PKHD1: variants seen among roughly 807,000 people sequenced by gnomAD.
The protein encoded by PKHD1 is PKHD1 ciliary IPT domain containing fibrocystin/polyductin, also known as fibrocystin.
Under a neutral mutation model 412.0 loss-of-function variants are expected in PKHD1, and 291 were observed. That is an observed-to-expected ratio of 0.71 (90% CI 0.64 to 0.78). The LOEUF (loss-of-function observed/expected upper bound fraction) is 0.78. PKHD1 is among the 30% of genes least tolerant of loss of function. The pLI is 0.00. For missense variants in PKHD1, 4,825 were observed against 4,950.7 expected (o/e 0.97, Z 0.76); for synonymous variants, 1,777 against 1,821.5 (o/e 0.98, Z 0.62).
chr6:51,903,852 TATATA>T (rs1781664584), intron 42 of PKHD1, 125 bp from the exon 43 acceptor site: 10 of 417,700 alleles, frequency 2.4e-5, no homozygotes, highest in South Asian at 1.9e-4. Context: ...TATATATATA[TATATA>T]TATTTAGAAA....
At position 51,731,074 on chromosome 6, in the gene PKHD1, C is replaced by T. The variant is rs146880767; in HGVS notation, c.10156+13311G>A. Among the ~76,000 whole-genome samples the T allele has an allele frequency of 3.6e-3, 547 of 152,230 alleles. 3 individuals carry two copies. Among genetic ancestry groups the T allele is most frequent in the African/African-American group, 0.013 (521 of 41,532 alleles). Reference sequence around the variant, plus strand: ...TAGCTGGTATTATAGGTGTGCACCACCACACCTGGCTAATACTTTTTGTTA... The same window carrying T: ...TAGCTGGTATTATAGGTGTGCACCATCACACCTGGCTAATACTTTTTGTTA... On this transcript the variant is annotated intron_variant, in intron 60 of 66. Transcript: ENST00000371117.
intron 60 of PKHD1, among the ~76,000 whole-genome samples, chr6:51,734,983 T>C (rs1783663578): frequency 6.6e-6 from 1 of 152,206 alleles, no homozygotes. Flanking sequence ...TGTTTAGGAA[T>C]AGCTGTATAT....
intron 63 of PKHD1, among the ~76,000 whole-genome samples, chr6:51,642,138 C>A (rs1055817467): frequency 3.3e-5 from 5 of 152,080 alleles, no homozygotes; most frequent in African/African-American, 1.2e-4. Flanking sequence ...GCTGGCCGGG[C>A]ATGACATCCT....
rs1034524838 is a variant in PKHD1 at position 51,754,955 on chromosome 6, A to G, written c.8643-17T>C. ...ACTATAATTCTGTAACAGCATAACA[A>G]TGGCATTGGATATACTAACAGTGCA... On this transcript the variant is annotated splice_polypyrimidine_tract_variant and intron_variant, in intron 55 of 66. Transcript: ENST00000371117. The G allele has an allele frequency of 3.1e-6, 5 of 1,608,224 alleles. No homozygotes were observed. The highest frequency in any genetic ancestry group is 4.3e-6 in the Non-Finnish European group (5 of 1,174,790).
Position 51,848,023 on chromosome 6 carries a change from T to C in PKHD1, c.7912-53A>G, listed in dbSNP as rs1047430002. 5.0e-6 allele frequency: 6 copies of C among 1,210,796 alleles called. No individual in the cohort carries two copies. In the African/African-American group the frequency reaches 6.0e-5, roughly 12 times the overall value. 75.0% of individuals were successfully genotyped at this position (1,210,796 alleles called of 1,614,324 possible). A position where few individuals can be genotyped will look rare whatever the true frequency, so the allele number is the denominator to read the frequency against. ...GCTCATTTAGTAAGGAACCCCATCA[T>C]TCCACCTACTCCACCACACCACCCT... On this transcript the variant is annotated intron_variant, in intron 49 of 66. Transcript: ENST00000371117.
Position 52,033,032 on chromosome 6 carries a change from G to A in PKHD1, c.3362C>T (p.Ala1121Val). 1 of 1,611,174 alleles carries A rather than the reference G, an allele frequency of 6.2e-7. No individual in the cohort carries two copies. The highest frequency in any genetic ancestry group is 8.5e-7 in the Non-Finnish European group (1 of 1,177,584). ...VTLSRNISNI[A>V]GGETLVIGVA... ...TCTTGCAGTATCACATATTTTACCT[G>A]CTATATTGCTTATGTTTCTGCTCAG... The change falls in exon 29 of 67, where the codon GCA becomes GTA. Residue 1121 changes from alanine (A) to valine (V), a missense_variant and splice_region_variant. Ala to Val is a moderately conservative substitution (Grantham distance 64, BLOSUM62 0). Transcript: ENST00000371117.
intron 60 of PKHD1, among the ~76,000 whole-genome samples, chr6:51,662,164 T>C (rs1201211277): frequency 2.6e-5 from 4 of 151,898 alleles, no homozygotes; most frequent in East Asian, 3.9e-4. Context: ...GGAAAATTTA[T>C]AGTGTTAAAT....
At chr6:51,944,618 C>G (rs753050777) in intron 36 of PKHD1, among the ~76,000 whole-genome samples, 2 of 152,152 alleles carry the variant, frequency 1.3e-5, no homozygotes, top group African/African-American at 4.8e-5. Flanking sequence ...ATTCCCCATA[C>G]CCTAGTTCCC....
chr6:51,693,771 G>C (rs1778452094), intron 60 of PKHD1, among the ~76,000 whole-genome samples: 1 of 152,148 alleles, frequency 6.6e-6, no homozygotes, highest in Non-Finnish European at 1.5e-5. Flanking sequence ...TGTACTGAGT[G>C]ACTGAGTGCT....
At chr6:51,641,947 T>C (rs1190600095) in intron 63 of PKHD1, among the ~76,000 whole-genome samples, 1 of 152,138 alleles carries the variant, frequency 6.6e-6, no homozygotes, top group East Asian at 1.9e-4. Flanking sequence ...CTAATGTAGA[T>C]GACGGGTTGA....
chr6:51,648,210 T>C (rs1162362227), intron 62 of PKHD1, 92 bp from the exon 63 acceptor site: 1 of 757,478 alleles, frequency 1.3e-6, no homozygotes, highest in Non-Finnish European at 2.4e-6. Context: ...ATATTTGCTT[T>C]TATAAAGCAT....
At chr6:51,771,111 C>G (rs1167437064) in intron 55 of PKHD1, among the ~76,000 whole-genome samples, 4 of 102,654 alleles carry the variant, frequency 3.9e-5, no homozygotes, top group African/African-American at 2.2e-4. Context: ...AAATCTATCC[C>G]TTGAAATACA....
At chr6:51,704,867 G>T (rs1229739812) in intron 60 of PKHD1, among the ~76,000 whole-genome samples, 1 of 151,946 alleles carries the variant, frequency 6.6e-6, no homozygotes, top group Non-Finnish European at 1.5e-5. Flanking sequence ...AAGATCAGGA[G>T]GAGAAAAATT....
chr6:51,944,625 TC>T (rs1789154854), intron 36 of PKHD1, among the ~76,000 whole-genome samples: 1 of 152,104 alleles, frequency 6.6e-6, no homozygotes, highest in African/African-American at 2.4e-5. Context: ...ATACCCTAGT[TC>T]CCTGCCCAAC....
intron 5 of PKHD1, among the ~76,000 whole-genome samples, chr6:52,078,341 G>A (rs939482922): frequency 7.2e-5 from 11 of 152,108 alleles, no homozygotes; most frequent in Non-Finnish European, 1.3e-4. Context: ...TGATCCTCGG[G>A]CCCCAGTGTG....
At chr6:51,758,442 A>G (rs1383436289) in intron 55 of PKHD1, among the ~76,000 whole-genome samples, 3 of 152,144 alleles carry the variant, frequency 2.0e-5, no homozygotes, top group Non-Finnish European at 2.9e-5. Flanking sequence ...CCAGTCTTCA[A>G]ACATTATGGT....
intron 11 of PKHD1, 36 bp downstream of exon 11, chr6:52,069,421 A>C: frequency 6.7e-7 from 1 of 1,488,642 alleles, no homozygotes. Context: ...TGAGTGAGGC[A>C]CAAGGGAAGG....
chr6:51,757,106 G>C (rs1056233991), intron 55 of PKHD1, among the ~76,000 whole-genome samples: 5 of 152,176 alleles, frequency 3.3e-5, no homozygotes, highest in Non-Finnish European at 7.4e-5. Flanking sequence ...TGTGCGTCCT[G>C]GTTCCCGATA....
chr6:51,775,433 T>G (rs1488283841), intron 54 of PKHD1, among the ~76,000 whole-genome samples: 1 of 151,896 alleles, frequency 6.6e-6, no homozygotes, highest in Non-Finnish European at 1.5e-5. Flanking sequence ...TTGTCAACAG[T>G]GAATGTTCCT....
Sources: allele counts gnomAD v4.1 joint callset (sites outside exome capture counted in the v4.1 genomes callset), GRCh38; gene constraint gnomAD v4.1.1; transcripts MANE v1.5; gene names NCBI Gene and HGNC (gene_info 2026-07-23, HGNC 2026-07-21).